ULK4: variants seen among roughly 807,000 people sequenced by gnomAD.
ULK4 encodes the protein unc-51 like kinase 4, also known as inactive serine/threonine-protein kinase ULK4.
A neutral mutation model predicts 160.6 loss-of-function variants in ULK4; 133 were observed. The observed-to-expected ratio is 0.83, with a 90% CI of 0.72 to 0.96. ULK4 has a LOEUF of 0.96. ULK4 is among the 40% of genes least tolerant of loss of function. The pLI, the probability that ULK4 is intolerant of heterozygous loss-of-function variation, is 0.00. For missense variants in ULK4, 1,580 were observed against 1,499.5 expected (o/e 1.05, Z -0.89); for synonymous variants, 534 against 539.8 (o/e 0.99, Z 0.15).
intron 31 of ULK4, among the ~76,000 whole-genome samples, chr3:41,599,733 T>G (rs1465915107): frequency 2.0e-5 from 3 of 151,886 alleles, no homozygotes; most frequent in Non-Finnish European, 4.4e-5. Flanking sequence ...CCCAGCTAAT[T>G]TTTGTATTTT....
chr3:41,610,762 TTTAA>T (rs2032637578), intron 31 of ULK4, among the ~76,000 whole-genome samples: 1 of 152,254 alleles, frequency 6.6e-6, no homozygotes, highest in Non-Finnish European at 1.5e-5. Context: ...GAAATTGCTC[TTTAA>T]TTGTTTATTT....
chr3:41,875,137 C>T, intron 17 of ULK4, among the ~76,000 whole-genome samples: 1 of 152,132 alleles, frequency 6.6e-6, no homozygotes, highest in Non-Finnish European at 1.5e-5. Flanking sequence ...CATGATCGTG[C>T]TACTGCACTC....
intron 2 of ULK4, among the ~76,000 whole-genome samples, chr3:41,941,658 G>A (rs1699959817): frequency 6.8e-6 from 1 of 147,916 alleles, no homozygotes; most frequent in African/African-American, 2.5e-5. Context: ...TAGGGAGGCT[G>A]CGGCAGGAGG....
At position 41,848,864 on chromosome 3, in the gene ULK4, T is replaced by A. The variant is rs189185447; in HGVS notation, c.1657-12893A>T. Among the ~76,000 whole-genome samples the A allele has an allele frequency of 9.8e-4, 149 of 152,296 alleles. 1 individual carries two copies. Among genetic ancestry groups the A allele is most frequent in the African/African-American group, 3.4e-3 (142 of 41,574 alleles). ...AGAATCAACCTTAAAAAGTAATAGA[T>A]AGTGCTGTCCAGTTTCCTGCCCTTC... On this transcript the variant is annotated intron_variant, in intron 17 of 36. Transcript: ENST00000301831.
At chr3:41,717,323 T>G (rs1219090365) in intron 23 of ULK4, among the ~76,000 whole-genome samples, 2 of 152,140 alleles carry the variant, frequency 1.3e-5, no homozygotes, top group African/African-American at 4.8e-5. Context: ...CTATTCAAAG[T>G]TTTTTTAACA....
At chr3:41,461,577 T>G (rs1240304173) in intron 33 of ULK4, among the ~76,000 whole-genome samples, 1 of 152,154 alleles carries the variant, frequency 6.6e-6, no homozygotes, top group Non-Finnish European at 1.5e-5. Context: ...TGTACAGTGG[T>G]GTTCAAGACT....
At chr3:41,534,733 A>G (rs2086436778) in intron 32 of ULK4, among the ~76,000 whole-genome samples, 1 of 152,166 alleles carries the variant, frequency 6.6e-6, no homozygotes, top group Non-Finnish European at 1.5e-5. Flanking sequence ...ACTACTAAGA[A>G]AGAAAACATG....
At chr3:41,944,190 A>G (rs1700044767) in intron 2 of ULK4, among the ~76,000 whole-genome samples, 1 of 152,232 alleles carries the variant, frequency 6.6e-6, no homozygotes, top group Non-Finnish European at 1.5e-5. Flanking sequence ...CAACTGTGAA[A>G]TGGCCTTGCA....
intron 27 of ULK4, among the ~76,000 whole-genome samples, chr3:41,703,711 C>T (rs1575587295): frequency 6.6e-6 from 1 of 152,042 alleles, no homozygotes; most frequent in East Asian, 1.9e-4. Context: ...GCATTCTAAG[C>T]CATGTTTTAT....
At position 41,592,318 on chromosome 3, in the gene ULK4, G is replaced by GGGAAAA. The variant is rs1423101286; in HGVS notation, c.3120+23350_3120+23351insTTTTCC. On this transcript the variant is annotated intron_variant, in intron 31 of 36. Transcript: ENST00000301831. ...TAGAGGAAGCAGCGGGAAAAGCCCT[G>GGGAAAA]TGGGCTCTCTGGGTCCCCTGGGTAA... Among the ~76,000 whole-genome samples, 9 of 152,300 alleles carry GGGAAAA rather than the reference G, an allele frequency of 5.9e-5. No individual in the cohort carries two copies. In the East Asian group the frequency reaches 1.2e-3, roughly 20 times the overall value.
chr3:41,608,935 T>C (rs184260914), intron 31 of ULK4, among the ~76,000 whole-genome samples: 19 of 152,340 alleles, frequency 1.2e-4, no homozygotes, highest in African/African-American at 3.8e-4. Flanking sequence ...TAGCTACTTC[T>C]CTCCTGTGTT....
intron 21 of ULK4, among the ~76,000 whole-genome samples, chr3:41,789,165 C>G (rs1425498247): frequency 6.6e-6 from 1 of 152,068 alleles, no homozygotes; most frequent in Non-Finnish European, 1.5e-5. Context: ...TTAGTACTTA[C>G]AAACTCTACT....
At chr3:41,582,679 G>GT (rs2030471327) in intron 31 of ULK4, among the ~76,000 whole-genome samples, 2 of 152,198 alleles carry the variant, frequency 1.3e-5, no homozygotes, top group African/African-American at 2.4e-5. Flanking sequence ...TACCTCTCTG[G>GT]TTGGAAAGGC....
At chr3:41,581,481 TTTG>T (rs1333187275) in intron 31 of ULK4, among the ~76,000 whole-genome samples, 35 of 152,270 alleles carry the variant, frequency 2.3e-4, no homozygotes, top group Middle Eastern at 3.4e-3. Context: ...ATGTGAACAA[TTTG>T]TTGGTTTTTC....
intron 30 of ULK4, among the ~76,000 whole-genome samples, chr3:41,616,999 G>T (rs991337007): frequency 5.9e-5 from 9 of 152,228 alleles, no homozygotes; most frequent in African/African-American, 2.2e-4. Flanking sequence ...TTCCCTGACA[G>T]TGCTAAGAAG....
At chr3:41,580,164 G>A (rs914077377) in intron 31 of ULK4, among the ~76,000 whole-genome samples, 12 of 152,044 alleles carry the variant, frequency 7.9e-5, no homozygotes, top group Non-Finnish European at 1.3e-4. Context: ...TCCTTCTGCC[G>A]CTGTGCATGA....
intron 27 of ULK4, among the ~76,000 whole-genome samples, chr3:41,702,747 GA>G (rs1368117781): frequency 1.3e-5 from 2 of 150,654 alleles, no homozygotes; most frequent in Admixed American, 1.3e-4. Flanking sequence ...AGAACTACAA[GA>G]AGAGATAAAT....
intron 29 of ULK4, among the ~76,000 whole-genome samples, chr3:41,669,385 C>A (rs141925222): frequency 6.6e-6 from 1 of 152,104 alleles, no homozygotes; most frequent in Non-Finnish European, 1.5e-5. Flanking sequence ...TCCCCACTCC[C>A]ACCCCAAAGT....
intron 1 of ULK4, among the ~76,000 whole-genome samples, chr3:41,960,610 C>A (rs1184796701): frequency 6.6e-6 from 1 of 152,156 alleles, no homozygotes; most frequent in Non-Finnish European, 1.5e-5. Flanking sequence ...AGTGATCCGC[C>A]TGCCTCGGCC....
Sources: allele counts gnomAD v4.1 joint callset (sites outside exome capture counted in the v4.1 genomes callset), GRCh38; gene constraint gnomAD v4.1.1; transcripts MANE v1.5; gene names NCBI Gene and HGNC (gene_info 2026-07-23, HGNC 2026-07-21).